The following GNA12 variants were observed in gnomAD, a reference collection of about 807,000 sequenced individuals.
GNA12 encodes the protein G protein subunit alpha 12, also known as guanine nucleotide-binding protein subunit alpha-12.
In GNA12, 9 loss-of-function variants were observed where a neutral mutation model predicts 26.0. The observed-to-expected ratio is 0.35, with a 90% CI of 0.21 to 0.60. The LOEUF (loss-of-function observed/expected upper bound fraction) is 0.60, where lower values mean the gene tolerates loss of function less well. GNA12 is among the 20% of genes least tolerant of loss of function. The probability of loss-of-function intolerance (pLI) is 0.78; values close to 1 mark genes in which losing one functional copy is unlikely to be tolerated. For synonymous variants in GNA12, 264 were observed against 219.6 expected (o/e 1.20, Z -1.79); for missense variants, 405 against 525.8 (o/e 0.77, Z 2.25).
At chr7:2,745,426 A>G (rs867458800) in intron 2 of GNA12, among the ~76,000 whole-genome samples, 2 of 152,356 alleles carry the variant, frequency 1.3e-5, no homozygotes, top group East Asian at 1.9e-4. Context: ...ACTAAGCTTC[A>G]TAAGTGAAGG....
chr7:2,744,375 C>G (rs1424923175), intron 2 of GNA12, among the ~76,000 whole-genome samples: 2 of 152,226 alleles, frequency 1.3e-5, no homozygotes, highest in Non-Finnish European at 2.9e-5. Context: ...ATCCGCTGTT[C>G]TGCAGCCACC....
intron 2 of GNA12, among the ~76,000 whole-genome samples, chr7:2,757,022 C>G (rs761280121): frequency 6.6e-6 from 1 of 151,750 alleles, no homozygotes; most frequent in African/African-American, 2.4e-5. Flanking sequence ...TGCAGTGAAC[C>G]GTGATTGTGC....
intron 2 of GNA12, chr7:2,762,900 C>A: frequency 1.4e-6 from 2 of 1,421,364 alleles, no homozygotes; most frequent in South Asian, 1.6e-5. Flanking sequence ...GGTGCTGCGG[C>A]GGGGAGAAGA....
chr7:2,839,583 C>T (rs1778931630), intron 1 of GNA12, among the ~76,000 whole-genome samples: 1 of 152,150 alleles, frequency 6.6e-6, no homozygotes, highest in Admixed American at 6.5e-5. Flanking sequence ...GGGGTTTCAC[C>T]ATATTGCCCA....
intron 2 of GNA12, among the ~76,000 whole-genome samples, chr7:2,756,162 G>C (rs1406219763): frequency 2.0e-5 from 3 of 152,044 alleles, no homozygotes; most frequent in Non-Finnish European, 4.4e-5. Flanking sequence ...ATGGCCAATT[G>C]ATTTATAAAA....
chr7:2,818,013 G>T (rs916040527), intron 1 of GNA12, among the ~76,000 whole-genome samples: 1 of 152,200 alleles, frequency 6.6e-6, no homozygotes, highest in South Asian at 2.1e-4. Context: ...CTAGCACACT[G>T]TAAGATTGCT....
At chr7:2,756,759 G>A (rs1409935743) in intron 2 of GNA12, among the ~76,000 whole-genome samples, 1 of 152,116 alleles carries the variant, frequency 6.6e-6, no homozygotes. Flanking sequence ...AGAATATGAT[G>A]GAACATCACT....
intron 2 of GNA12, among the ~76,000 whole-genome samples, chr7:2,739,012 C>A (rs889995897): frequency 5.9e-5 from 9 of 152,170 alleles, no homozygotes; most frequent in African/African-American, 2.2e-4. Flanking sequence ...CCAGGAAGAG[C>A]TGCACAGGGT....
At position 2,731,679 on chromosome 7, in the gene GNA12, G is replaced by A. The variant is rs370690250; in HGVS notation, c.648C>T (p.Phe216=). Residue 216 remains phenylalanine, a synonymous_variant, in exon 4 of 4, where the codon TTC becomes TTT. Coordinates refer to ENST00000275364, the MANE Select transcript of GNA12 (RefSeq NM_007353.3). This position sits in a 1 kb window ranked among gnomAD's most constrained non-coding sequence, Gnocchi z 6.0. ...TCTTAAAGGGGATCTTCTTAATAAC[G>A]AAGTCATGCTCCACAATTCCCTTGG... is the stretch of plus-strand genomic sequence containing the variant. ...KATKGIVEHD[F]VIKKIPFKMV... 9 of 1,608,070 alleles carry A rather than the reference G, an allele frequency of 5.6e-6. No homozygotes were observed. In the African/African-American group the frequency reaches 6.7e-5, roughly 12 times the overall value.
At chr7:2,758,348 G>T (rs553986259) in intron 2 of GNA12, among the ~76,000 whole-genome samples, 1 of 152,166 alleles carries the variant, frequency 6.6e-6, no homozygotes, top group Admixed American at 6.5e-5. Context: ...CTCATACGTC[G>T]TGTGGCCTCT....
rs778979465 is a variant in GNA12, at chr7:2,843,999, G to T, written c.163C>A (p.Arg55=). Residue 55 remains arginine, a synonymous_variant, in exon 1 of 4, where the codon CGG becomes AGG. Transcript: ENST00000275364. ...ALLARERRAV[R]RLVKILLLGA... is the part of the protein sequence containing the mutation. ...AGCAGCAGGATCTTCACCAGGCGCC[G>T]GACCGCGCGCCGCTCGCGGGCCAGC... 2 of 1,547,860 alleles carry T rather than the reference G, an allele frequency of 1.3e-6. No homozygotes were observed. The highest frequency in any genetic ancestry group is 3.7e-5 in the Admixed American group (2 of 53,668).
intron 1 of GNA12, among the ~76,000 whole-genome samples, chr7:2,841,420 G>A (rs117664585): frequency 0.017 from 2,543 of 152,260 alleles, 28 homozygotes; most frequent in Middle Eastern, 0.037. Flanking sequence ...GTCTGGGCAA[G>A]CAGCAACAAT....
chr7:2,735,484 C>T (rs1009636867), intron 2 of GNA12, among the ~76,000 whole-genome samples: 22 of 152,120 alleles, frequency 1.4e-4, no homozygotes, highest in African/African-American at 4.8e-4. Context: ...ATAGTACGGA[C>T]GCAAGGGGAA....
chr7:2,837,648 C>T (rs1778876030), intron 1 of GNA12, among the ~76,000 whole-genome samples: 1 of 152,136 alleles, frequency 6.6e-6, no homozygotes, highest in African/African-American at 2.4e-5. Flanking sequence ...GATTTCTCTT[C>T]TGAAACAATG....
At chr7:2,768,872 A>T (rs956400465) in intron 2 of GNA12, among the ~76,000 whole-genome samples, 1 of 152,158 alleles carries the variant, frequency 6.6e-6, no homozygotes, top group African/African-American at 2.4e-5. Context: ...AATGGGATAA[A>T]CTACTACACA....
chr7:2,823,807 G>C (rs1423719888), intron 1 of GNA12, among the ~76,000 whole-genome samples: 5 of 152,114 alleles, frequency 3.3e-5, no homozygotes, highest in Non-Finnish European at 5.9e-5. Flanking sequence ...ATAGAATAAA[G>C]ATCATGCAGT....
chr7:2,781,384 G>C (rs1204709121), intron 2 of GNA12, among the ~76,000 whole-genome samples: 1 of 147,056 alleles, frequency 6.8e-6, no homozygotes, highest in Admixed American at 6.8e-5. Flanking sequence ...TTTCAAATTT[G>C]GTCTCTAATC....
rs543936572 is a variant in GNA12 at position 2,769,208 on chromosome 7, T to G, written c.525+25720A>C. Among the ~76,000 whole-genome samples the G allele has an allele frequency of 5.1e-4, 78 of 151,838 alleles. 1 individual carries two copies. Among genetic ancestry groups the G allele is most frequent in the African/African-American group, 1.4e-3 (60 of 41,438 alleles). On this transcript the variant is annotated intron_variant, in intron 2 of 3. Transcript: ENST00000275364. ...CGTGAGCCACCATGCCCAGCCACCT[T>G]AGAGCTGTTTCTGTGTGGACCTTCA...
chr7:2,778,472 C>G (rs1245292933), intron 2 of GNA12, among the ~76,000 whole-genome samples: 1 of 152,212 alleles, frequency 6.6e-6, no homozygotes, highest in African/African-American at 2.4e-5. Context: ...CCATGACACT[C>G]ACACCAACAG....
Sources: allele counts gnomAD v4.1 joint callset (sites outside exome capture counted in the v4.1 genomes callset), GRCh38; gene constraint gnomAD v4.1.1; non-coding constraint Gnocchi (gnomAD v3.1); transcripts MANE v1.5; gene names NCBI Gene and HGNC (gene_info 2026-07-23, HGNC 2026-07-21).